The following ZFAND3 variants were observed in gnomAD, a reference collection of about 807,000 sequenced individuals.
ZFAND3 encodes AN1-type zinc finger protein 3.
ZFAND3 carries 10 observed loss-of-function variants against 29.6 expected under a neutral mutation model. The ratio of observed to expected loss-of-function variants is 0.34; its 90% CI spans 0.21 to 0.57. The LOEUF is 0.57. Among genes scored for constraint, ZFAND3 ranks in the 20% least tolerant of loss-of-function variants. ZFAND3 has a pLI of 0.86. For synonymous variants in ZFAND3, 128 were observed against 112.6 expected, an observed-to-expected ratio of 1.14 and a Z score of -0.87; for missense variants, 230 against 304.5, an observed-to-expected ratio of 0.76 and a Z score of 1.82.
intron 1 of ZFAND3, among the ~76,000 whole-genome samples, chr6:37,854,291 A>T (rs562594780): frequency 9.8e-5 from 15 of 152,326 alleles, no homozygotes; most frequent in African/African-American, 3.1e-4. Flanking sequence ...TAGGTCTACA[A>T]GGTAGGAGGA....
chr6:37,868,247 A>G (rs528924885), intron 1 of ZFAND3, among the ~76,000 whole-genome samples: 1 of 152,184 alleles, frequency 6.6e-6, no homozygotes, highest in African/African-American at 2.4e-5. Flanking sequence ...TGTAGGAGTG[A>G]TAGTTGAATA....
At chr6:37,987,899 C>T (rs1762697073) in intron 2 of ZFAND3, among the ~76,000 whole-genome samples, 1 of 152,112 alleles carries the variant, frequency 6.6e-6, no homozygotes, top group South Asian at 2.1e-4. Flanking sequence ...AATGAAATAT[C>T]CTCTTTAAAA....
chr6:37,959,507 GTAT>G (rs1309174148), intron 2 of ZFAND3, among the ~76,000 whole-genome samples: 1 of 152,072 alleles, frequency 6.6e-6, no homozygotes, highest in Non-Finnish European at 1.5e-5. Context: ...GGTTGTGGTA[GTAT>G]TCCATTTTTG....
rs750241590 is a variant in ZFAND3, at chr6:38,023,462, TG to T, written c.113-38130del. Among the ~76,000 whole-genome samples the T allele has an allele frequency of 8.5e-5, 13 of 152,336 alleles. No homozygotes were observed. The East Asian group carries it at 2.5e-3, about 29-fold the overall frequency. On this transcript the variant is annotated intron_variant, in intron 2 of 5. Coordinates refer to ENST00000287218, the MANE Select transcript of ZFAND3 (RefSeq NM_021943.3). ...GAAGTAATGCATATGTTAATTAGCT[TG>T]ATTTAGCCATTCCACAATGTGTATA...
intron 1 of ZFAND3, among the ~76,000 whole-genome samples, chr6:37,866,878 T>C (rs546868940): frequency 3.3e-5 from 5 of 152,376 alleles, no homozygotes; most frequent in African/African-American, 1.2e-4. Context: ...GGAATTTGTC[T>C]GTAAAGGGCA....
chr6:38,153,475 G>A lies in ZFAND3; in HGVS notation c.*1086G>A. 3 of 985,648 alleles carry A rather than the reference G, an allele frequency of 3.0e-6. No individual in the cohort carries two copies. The highest frequency in any genetic ancestry group is 3.6e-6 in the Non-Finnish European group (3 of 830,084). The allele number at this position is 985,648 out of a possible 1,614,324, so 61.1% of individuals were successfully genotyped here. ...CCAGTCCACATCTACCATATAGCAA[G>A]TTTAGTAAGGGAAGGCAGCATACGT... is the stretch of plus-strand genomic sequence containing the variant. On this transcript the variant is annotated 3_prime_UTR_variant, in exon 6 of 6. Coordinates refer to ENST00000287218, the MANE Select transcript of ZFAND3 (RefSeq NM_021943.3).
chr6:37,998,386 A>G (rs1377227022), intron 2 of ZFAND3, among the ~76,000 whole-genome samples: 1 of 152,224 alleles, frequency 6.6e-6, no homozygotes, highest in Non-Finnish European at 1.5e-5. Context: ...GCTACGTGAC[A>G]GTTGTCAAAA....
chr6:37,979,821 G>A (rs1762550520), intron 2 of ZFAND3, among the ~76,000 whole-genome samples: 1 of 152,132 alleles, frequency 6.6e-6, no homozygotes, highest in Admixed American at 6.5e-5. Context: ...TAGCTGCTTT[G>A]TTCTCATCAG....
At chr6:38,047,972 T>G (rs1016715535) in intron 2 of ZFAND3, among the ~76,000 whole-genome samples, 2 of 130,440 alleles carry the variant, frequency 1.5e-5, no homozygotes, top group South Asian at 3.1e-4. Context: ...GGGTTTTTTT[T>G]GTTTTTTTTT....
Position 37,832,483 on chromosome 6 carries a change from G to A in ZFAND3, c.71+12467G>A, listed in dbSNP as rs965111635. On this transcript the variant is annotated intron_variant, in intron 1 of 5. Transcript: ENST00000287218. Reference sequence around the variant, plus strand: ...CTCTGTCAGTGGTATGCATTGTTTTGTACAGTAGGAAAAAGTTCATGCTTT... The same window carrying A: ...CTCTGTCAGTGGTATGCATTGTTTTATACAGTAGGAAAAAGTTCATGCTTT... Among the ~76,000 whole-genome samples the A allele has an allele frequency of 3.9e-5, 6 of 152,288 alleles. No homozygotes were observed. In the South Asian group the frequency reaches 1.0e-3, roughly 26 times the overall value.
intron 1 of ZFAND3, among the ~76,000 whole-genome samples, chr6:37,856,808 G>A (rs1193636789): frequency 1.3e-5 from 2 of 151,940 alleles, no homozygotes; most frequent in South Asian, 2.1e-4. Context: ...ATAATTGTCC[G>A]TTTGGTTTTT....
At chr6:37,985,492 TGTG>T (rs750388492) in intron 2 of ZFAND3, among the ~76,000 whole-genome samples, 6 of 112,400 alleles carry the variant, frequency 5.3e-5, no homozygotes, top group Non-Finnish European at 7.3e-5. Context: ...GGCACGTGCT[TGTG>T]GTTCCACACA....
chr6:37,963,870 A>G (rs1018730386), intron 2 of ZFAND3, among the ~76,000 whole-genome samples: 1 of 152,214 alleles, frequency 6.6e-6, no homozygotes, highest in African/African-American at 2.4e-5. Context: ...TAAATAATGC[A>G]AGGTACATTA....
intron 1 of ZFAND3, among the ~76,000 whole-genome samples, chr6:37,891,416 T>TACCC (rs1765096004): frequency 1.7e-5 from 2 of 117,200 alleles, no homozygotes; most frequent in Admixed American, 1.7e-4. Context: ...GAGATTTCAG[T>TACCC]CCCCCCCCCC....
chr6:37,932,078 G>C (rs1761607097), intron 2 of ZFAND3, among the ~76,000 whole-genome samples: 1 of 152,122 alleles, frequency 6.6e-6, no homozygotes, highest in South Asian at 2.1e-4. Context: ...AGACCATCCT[G>C]GCCAACATGG....
intron 5 of ZFAND3, among the ~76,000 whole-genome samples, chr6:38,126,056 A>G (rs1179149922): frequency 2.6e-5 from 4 of 152,156 alleles, no homozygotes; most frequent in African/African-American, 9.7e-5. Context: ...CATCATCCCA[A>G]AAAGTTCCCT....
Position 38,153,115 on chromosome 6 carries a change from C to T in ZFAND3, c.*726C>T, listed in dbSNP as rs548167269. 4.1e-6 allele frequency: 4 copies of T among 985,562 alleles called. No homozygotes were observed. Among genetic ancestry groups the T allele is most frequent in the Non-Finnish European group, 4.8e-6 (4 of 829,972 alleles). 61.1% of individuals were successfully genotyped at this position (985,562 alleles called of 1,614,324 possible). On this transcript the variant is annotated 3_prime_UTR_variant, in exon 6 of 6. Coordinates refer to ENST00000287218, the MANE Select transcript of ZFAND3 (RefSeq NM_021943.3). ...CTTTTCTACACAGGATCCAAGGTCA[C>T]GAGAAGCAGCCAGAGTGCCCCGCCT...
chr6:37,927,580 G>C (rs559494336), intron 1 of ZFAND3, among the ~76,000 whole-genome samples: 4 of 152,222 alleles, frequency 2.6e-5, no homozygotes, highest in African/African-American at 4.8e-5. Context: ...TTCAAGTTCA[G>C]TTAGTTAAAA....
intron 1 of ZFAND3, among the ~76,000 whole-genome samples, chr6:37,887,969 G>A (rs1765025547): frequency 2.6e-5 from 4 of 152,028 alleles, no homozygotes; most frequent in East Asian, 1.9e-4. Context: ...TCATCTATCC[G>A]TCATTCTTGA....
Sources: gnomAD v4.1 joint callset for allele counts (sites outside exome capture counted in the v4.1 genomes callset) on GRCh38, gnomAD v4.1.1 for gene constraint, MANE v1.5 for transcripts, NCBI Gene and HGNC (gene_info 2026-07-23, HGNC 2026-07-21) for gene names.